The following GALK1 variants were observed in gnomAD, a reference collection of about 807,000 sequenced individuals.
GALK1 encodes the protein galactokinase.
A neutral mutation model predicts 38.6 loss-of-function variants in GALK1; 30 were observed. That is an observed-to-expected ratio of 0.78 (90% CI 0.58 to 1.05). The LOEUF is 1.05. Among genes scored for constraint, GALK1 ranks in the 50% least tolerant of loss-of-function variants. The pLI is 0.00. For missense variants in GALK1, 512 were observed against 540.5 expected (o/e 0.95, Z 0.52); for synonymous variants, 240 against 233.6 (o/e 1.03, Z -0.25).
rs1206270610 is a variant in GALK1 at position 75,762,842 on chromosome 17, C to T, written c.655G>A (p.Ala219Thr). ...ACATTAGAGTTGGTGATGAGCACGG[C>T]CAGCTTGGGGTCCGAGAGTGGCACC... Reference protein sequence around the residue: ...SLVPLSDPKLAVLITNSNVRH... With the variant: ...SLVPLSDPKLTVLITNSNVRH... Residue 219 changes from alanine (A) to threonine (T), a missense_variant, in exon 5 of 8, where the codon GCC (alanine) becomes ACC (threonine). By Grantham distance (58) the Ala-to-Thr change is moderately conservative. Transcript: ENST00000588479. 8 of 1,613,544 alleles carry T rather than the reference C, an allele frequency of 5.0e-6. No individual in the cohort carries two copies. Among genetic ancestry groups the T allele is most frequent in the Non-Finnish European group, 6.8e-6 (8 of 1,179,912 alleles).
chr17:75,762,980 C>G, intron 4 of GALK1, 34 bp downstream of exon 4: 10 of 1,612,060 alleles, frequency 6.2e-6, no homozygotes, highest in Non-Finnish European at 8.5e-6. Flanking sequence ...CTGCTGAGTG[C>G]AGGGCGGGAG....
At chr17:75,753,014 G>A (rs544980505), downstream of GALK1, among the ~76,000 whole-genome samples, 3 of 152,334 alleles carry the variant, frequency 2.0e-5, no homozygotes, top group South Asian at 4.1e-4. Context: ...AAAGTGCTGC[G>A]GAGCCCTTAG....
At chr17:75,764,291 T>C (rs1451727236) in intron 1 of GALK1, 1 of 758,138 alleles carries the variant, frequency 1.3e-6, no homozygotes, top group East Asian at 2.5e-5. Flanking sequence ...GCGGGGCGGC[T>C]GCAGCTGGAG....
At chr17:75,752,615 G>A in intron 8 of GALK1, 3 of 1,612,190 alleles carry the variant, frequency 1.9e-6, no homozygotes, top group Non-Finnish European at 2.5e-6. Flanking sequence ...GGACAGTGGG[G>A]GTCTTGGGTA....
downstream of GALK1, chr17:75,757,878 G>T (rs1219382188): frequency 1.3e-6 from 1 of 762,802 alleles, no homozygotes; most frequent in Admixed American, 2.1e-5. Flanking sequence ...TAGGGGAGCG[G>T]TTCTGACATC....
chr17:75,751,682 A>T (rs2061370037), exon 9 of GALK1: 1 of 222,006 alleles, frequency 4.5e-6, no homozygotes. Context: ...CGCAGGTTGC[A>T]GTGAACCGAG....
At position 75,758,556 on chromosome 17, in the gene GALK1, C is replaced by A; in HGVS notation, c.837G>T (p.Arg279=). 1 of 1,595,958 alleles carries A rather than the reference C, an allele frequency of 6.3e-7. No individual in the cohort carries two copies. The highest frequency in any genetic ancestry group is 1.1e-5 in the South Asian group (1 of 89,550). Reference sequence around the variant, plus strand: ...TGCGCCGAATCTCCCCCACCACGTGCCGGGCCCGCCGGAAGCCCTCTTTGC... The same window carrying A: ...TGCGCCGAATCTCCCCCACCACGTGACGGGCCCGCCGGAAGCCCTCTTTGC... ...LVSKEGFRRA[R]HVVGEIRRTA... Residue 279 remains arginine, a synonymous_variant, in exon 6 of 8, where the codon CGG becomes CGT. Coordinates refer to ENST00000588479, the MANE Select transcript of GALK1 (RefSeq NM_000154.2).
At chr17:75,762,925 C>CGT in intron 4 of GALK1, 40 bp from the exon 5 acceptor site, 3 of 1,606,464 alleles carry the variant, frequency 1.9e-6, no homozygotes, top group Non-Finnish European at 2.5e-6. Context: ...CGAGGCCAAG[C>CGT]GTGTGCTTGC....
chr17:75,755,206 G>A (rs1275181103), downstream of GALK1: 2 of 1,603,340 alleles, frequency 1.2e-6, no homozygotes, highest in South Asian at 1.1e-5. Context: ...CGCCCTCCTG[G>A]GGCCCAGGTA....
chr17:75,759,264 C>G (rs984199477), intron 5 of GALK1, among the ~76,000 whole-genome samples: 2 of 152,020 alleles, frequency 1.3e-5, no homozygotes, highest in Non-Finnish European at 2.9e-5. Context: ...CCCGTCTCTA[C>G]TAAAAATACA....
chr17:75,755,862 TGGCTGCCA>T (rs2143516777), downstream of GALK1: 1 of 1,600,438 alleles, frequency 6.2e-7, no homozygotes, highest in Non-Finnish European at 8.5e-7. Context: ...TGAGGCATGG[TGGCTGCCA>T]GGCTGCGGGG....
At position 75,757,932 on chromosome 17, in the gene GALK1, G is replaced by A; in HGVS notation, c.*124C>T. Reference sequence around the variant, plus strand: ...AAGCATACACCCACCTCTAGAGGAGGCAGGTACCACATTGGAGGCACAAGT... The same window carrying A: ...AAGCATACACCCACCTCTAGAGGAGACAGGTACCACATTGGAGGCACAAGT... On this transcript the variant is annotated 3_prime_UTR_variant, in exon 8 of 8. Transcript: ENST00000588479. The A allele has an allele frequency of 9.1e-7, 1 of 1,096,458 alleles. No homozygotes were observed. The highest frequency in any genetic ancestry group is 1.4e-6 in the Non-Finnish European group (1 of 739,438). The allele number at this position is 1,096,458 out of a possible 1,614,324, so 67.9% of individuals were successfully genotyped here.
chr17:75,753,650 G>A (rs1209644320), downstream of GALK1: 1 of 647,924 alleles, frequency 1.5e-6, no homozygotes, highest in Non-Finnish European at 2.2e-6. Context: ...CACACCCCGG[G>A]ATCCCGGGAG....
intron 5 of GALK1, among the ~76,000 whole-genome samples, chr17:75,759,902 G>A (rs977327457): frequency 1.3e-5 from 2 of 152,184 alleles, no homozygotes; most frequent in Non-Finnish European, 2.9e-5. Flanking sequence ...GAGCTAATCT[G>A]TCCAGATGGG....
At chr17:75,760,903 T>A (rs983213294) in intron 5 of GALK1, among the ~76,000 whole-genome samples, 6 of 151,996 alleles carry the variant, frequency 3.9e-5, no homozygotes, top group African/African-American at 1.5e-4. Context: ...AACCCATCTC[T>A]TTAAAAAATA....
downstream of GALK1, chr17:75,756,926 G>A: frequency 6.2e-7 from 1 of 1,612,324 alleles, no homozygotes; most frequent in Non-Finnish European, 8.5e-7. Flanking sequence ...GACGCTGAAG[G>A]CATCTTCCCT....
Position 75,765,026 on chromosome 17 carries a change from G to A in GALK1, c.111C>T (p.Arg37=). Residue 37 remains arginine (R), a synonymous_variant, in exon 1 of 8, where the codon CGC becomes CGT. Transcript: ENST00000588479. ...EPELAVSAPG[R]VNLIGEHTDY... ...CCGTGTGTTCCCCGATGAGGTTGAC[G>A]CGGCCCGGCGCTGACACGGCCAGCT... 6.2e-7 allele frequency: 1 copy of A among 1,609,972 alleles called. No individual in the cohort carries two copies. The highest frequency in any genetic ancestry group is 8.5e-7 in the Non-Finnish European group (1 of 1,178,580).
Position 75,763,043 on chromosome 17 carries a change from C to G in GALK1, c.582G>C (p.Gln194His). ...AGTCAATGAGCAGCGCGTGGCCTTT[C>G]TGTCCCATAAGTGAGATGAACTGGT... is the stretch of plus-strand genomic sequence containing the variant. ...IMDQFISLMGQKGHALLIDCR... is the reference protein window; with the variant it reads ...IMDQFISLMGHKGHALLIDCR... The change falls in exon 4 of 8, where the codon CAG becomes CAC. Residue 194 changes from glutamine (Q) to histidine (H), a missense_variant. Physicochemically the swap from Gln to His is conservative, Grantham distance 24 (BLOSUM62 0). Coordinates refer to ENST00000588479, the MANE Select transcript of GALK1 (RefSeq NM_000154.2). 1 of 1,613,112 alleles carries G rather than the reference C, an allele frequency of 6.2e-7. No homozygotes were observed. Among genetic ancestry groups the G allele is most frequent in the Non-Finnish European group, 8.5e-7 (1 of 1,180,014 alleles).
chr17:75,761,747 A>G (rs1459936156), intron 5 of GALK1, among the ~76,000 whole-genome samples: 1 of 149,430 alleles, frequency 6.7e-6, no homozygotes, highest in African/African-American at 2.5e-5. Context: ...GACCGGCACT[A>G]TGGCTCACGC....
Sources: gnomAD v4.1 joint callset for allele counts (sites outside exome capture counted in the v4.1 genomes callset) on GRCh38, gnomAD v4.1.1 for gene constraint, MANE v1.5 for transcripts, NCBI Gene and HGNC (gene_info 2026-07-23, HGNC 2026-07-21) for gene names.